Variants in C10orf90 observed in about 807,000 individuals in gnomAD.
C10orf90 encodes the protein (E2-independent) E3 ubiquitin-conjugating enzyme FATS.
A neutral mutation model predicts 62.5 loss-of-function variants in C10orf90; 56 were observed. That is an observed-to-expected ratio of 0.90 (90% confidence interval 0.72 to 1.12). The LOEUF (loss-of-function observed/expected upper bound fraction) is 1.12, where lower values mean the gene tolerates loss of function less well. Ranked by LOEUF, C10orf90 falls within the 50% of genes most tolerant of loss-of-function variation. The pLI, the probability that C10orf90 is intolerant of heterozygous loss-of-function variation, is 0.00. For synonymous variants in C10orf90, 386 were observed against 340.4 expected (o/e 1.13, Z -1.47); for missense variants, 970 against 880.4 (o/e 1.10, Z -1.29).
At chr10:126,649,682 A>G (rs1212732918) in intron 1 of C10orf90, among the ~76,000 whole-genome samples, 1 of 151,984 alleles carries the variant, frequency 6.6e-6, no homozygotes. Flanking sequence ...GTAAATACAC[A>G]CTGATGCATG....
intron 2 of C10orf90, among the ~76,000 whole-genome samples, chr10:126,533,813 C>T (rs955984098): frequency 6.6e-6 from 1 of 152,220 alleles, no homozygotes; most frequent in Non-Finnish European, 1.5e-5. Context: ...AGCACAAGTG[C>T]CTGGCACATT....
intron 5 of C10orf90, among the ~76,000 whole-genome samples, 163 bp from the exon 6 acceptor site, chr10:126,461,748 C>T (rs538705598): frequency 3.9e-5 from 6 of 152,162 alleles, no homozygotes; most frequent in African/African-American, 1.2e-4. Context: ...ACAGAGCCCC[C>T]GGCCGCCCTG....
At chr10:126,557,051 C>T (rs1411652139) in intron 2 of C10orf90, among the ~76,000 whole-genome samples, 1 of 148,716 alleles carries the variant, frequency 6.7e-6, no homozygotes, top group Non-Finnish European at 1.5e-5. Flanking sequence ...ATTACTTTTG[C>T]ACCAACCTAA....
chr10:126,526,023 A>AACACACACACACACACACAC (rs3040780), intron 2 of C10orf90, among the ~76,000 whole-genome samples: 95 of 139,030 alleles, frequency 6.8e-4, no homozygotes, highest in African/African-American at 2.0e-3. Flanking sequence ...CACCTGCCAC[A>AACACACACACACACACACAC]ACACACACAC....
chr10:126,503,461 C>G (rs1340514883), intron 4 of C10orf90, among the ~76,000 whole-genome samples: 1 of 152,196 alleles, frequency 6.6e-6, no homozygotes, highest in Non-Finnish European at 1.5e-5. Flanking sequence ...CATTCACATA[C>G]ACACATTCAC....
chr10:126,592,401 C>T (rs1844999054), intron 2 of C10orf90, among the ~76,000 whole-genome samples: 1 of 152,112 alleles, frequency 6.6e-6, no homozygotes, highest in Non-Finnish European at 1.5e-5. Context: ...ACACCTAAAA[C>T]CATCTGACCT....
intron 2 of C10orf90, among the ~76,000 whole-genome samples, chr10:126,577,744 A>T (rs1449786959): frequency 6.6e-6 from 1 of 152,106 alleles, no homozygotes; most frequent in Non-Finnish European, 1.5e-5. Flanking sequence ...CCAGATATCA[A>T]CTCATGCTAA....
At chr10:126,638,718 T>A (rs146630794) in intron 2 of C10orf90, among the ~76,000 whole-genome samples, 57 of 152,292 alleles carry the variant, frequency 3.7e-4, no homozygotes, top group African/African-American at 1.1e-3. Flanking sequence ...ACAGCCCTCC[T>A]TATCATGGGA....
intron 4 of C10orf90, among the ~76,000 whole-genome samples, chr10:126,490,721 G>GATATAGA (rs1861721511): frequency 6.6e-6 from 1 of 152,034 alleles, no homozygotes; most frequent in African/African-American, 2.4e-5. Context: ...TCTCTAAATA[G>GATATAGA]ATATAGAGAG....
At chr10:126,564,206 A>T (rs149618125) in intron 2 of C10orf90, among the ~76,000 whole-genome samples, 195 of 152,104 alleles carry the variant, frequency 1.3e-3, no homozygotes, top group Non-Finnish European at 1.9e-3. Flanking sequence ...CCAAAATGTC[A>T]GCAGCAACTT....
intron 2 of C10orf90, among the ~76,000 whole-genome samples, chr10:126,535,603 C>G (rs1864214397): frequency 6.6e-6 from 1 of 152,046 alleles, no homozygotes; most frequent in Admixed American, 6.5e-5. Flanking sequence ...TGTAACAAAC[C>G]TGCACGTTGT....
chr10:126,576,875 T>G lies in C10orf90; in HGVS notation c.314-62936A>C, dbSNP rs181957815. On this transcript the variant is annotated intron_variant, in intron 2 of 9. Transcript: ENST00000488181. The stretch of plus-strand genomic sequence containing the variant: ...ACAGATGGAACTGAAGGACATTATT[T>G]TAAGTGAAATAAGCCAGGAACAGAA... Among the ~76,000 whole-genome samples the G allele has an allele frequency of 6.2e-3, 940 of 150,896 alleles. 5 individuals are homozygous for G. The highest frequency in any genetic ancestry group is 0.011 in the Non-Finnish European group (742 of 67,574).
intron 2 of C10orf90, among the ~76,000 whole-genome samples, chr10:126,573,394 G>A (rs1485261306): frequency 6.6e-6 from 1 of 152,196 alleles, no homozygotes; most frequent in Non-Finnish European, 1.5e-5. Flanking sequence ...CTGCCTGTGG[G>A]TTTCATTTCT....
chr10:126,492,514 T>A (rs1224161328), intron 4 of C10orf90, among the ~76,000 whole-genome samples: 2 of 152,158 alleles, frequency 1.3e-5, no homozygotes, highest in Admixed American at 1.3e-4. Context: ...ATTTCAAAAT[T>A]CAAAGTTTTA....
At chr10:126,646,282 C>A (rs990114441) in intron 2 of C10orf90, among the ~76,000 whole-genome samples, 1 of 152,222 alleles carries the variant, frequency 6.6e-6, no homozygotes, top group Non-Finnish European at 1.5e-5. Flanking sequence ...CTGCTGCATG[C>A]TGGCCTGACC....
chr10:126,662,711 C>T (rs1363725191), intron 1 of C10orf90, among the ~76,000 whole-genome samples: 1 of 152,214 alleles, frequency 6.6e-6, no homozygotes, highest in Non-Finnish European at 1.5e-5. Context: ...GCCCAGAGGT[C>T]TCCTCCATGC....
intron 2 of C10orf90, among the ~76,000 whole-genome samples, chr10:126,526,410 A>G (rs1459131463): frequency 6.6e-6 from 1 of 151,828 alleles, no homozygotes; most frequent in Non-Finnish European, 1.5e-5. Flanking sequence ...ACACCCGGCT[A>G]ATTTTTTATA....
intron 2 of C10orf90, among the ~76,000 whole-genome samples, chr10:126,541,072 A>C (rs1267793801): frequency 6.6e-6 from 1 of 152,226 alleles, no homozygotes; most frequent in Non-Finnish European, 1.5e-5. Context: ...AAATATCTAG[A>C]AGCCGTGAAA....
chr10:126,560,394 A>T (rs1327282200), intron 2 of C10orf90, among the ~76,000 whole-genome samples: 1 of 152,228 alleles, frequency 6.6e-6, no homozygotes, highest in African/African-American at 2.4e-5. Context: ...ATGGTGAATA[A>T]TAAGCTGCCG....
Sources: allele counts gnomAD v4.1 joint callset (sites outside exome capture counted in the v4.1 genomes callset), GRCh38; gene constraint gnomAD v4.1.1; transcripts MANE v1.5; gene names NCBI Gene and HGNC (gene_info 2026-07-23, HGNC 2026-07-21).